The following SLC14A2 variants were observed in gnomAD, a reference collection of about 807,000 sequenced individuals.
The protein encoded by SLC14A2 is solute carrier family 14 member 2, also known as urea transporter 2.
In SLC14A2, 91 loss-of-function variants were observed where a neutral mutation model predicts 104.6. The observed-to-expected ratio is 0.87, with a 90% confidence interval of 0.73 to 1.04. The LOEUF (loss-of-function observed/expected upper bound fraction) is 1.04. Ranked by LOEUF, SLC14A2 falls within the 50% of genes least tolerant of loss-of-function variation. The pLI, the probability that SLC14A2 is intolerant of heterozygous loss-of-function variation, is 0.00. For synonymous variants in SLC14A2, 476 were observed against 466.4 expected, an observed-to-expected ratio of 1.02 and a Z score of -0.27; for missense variants, 1,189 against 1,156.0, an observed-to-expected ratio of 1.03 and a Z score of -0.41.
At chr18:45,390,172 C>T (rs942527840) in intron 1 of SLC14A2, among the ~76,000 whole-genome samples, 2 of 152,106 alleles carry the variant, frequency 1.3e-5, no homozygotes, top group Non-Finnish European at 2.9e-5. Context: ...AAAATCGACA[C>T]GAGCACTGGG....
chr18:45,423,298 G>T (rs572573013), intron 1 of SLC14A2, among the ~76,000 whole-genome samples: 77 of 152,300 alleles, frequency 5.1e-4, no homozygotes, highest in Non-Finnish European at 9.4e-4. Context: ...CTGAAAGGTG[G>T]TTATATGAAT....
chr18:45,354,920 G>A (rs1385848477), intron 1 of SLC14A2, among the ~76,000 whole-genome samples: 1 of 152,156 alleles, frequency 6.6e-6, no homozygotes, highest in Admixed American at 6.5e-5. Context: ...CTAATTCTAT[G>A]TTTTGTTTTG....
chr18:45,554,012 A>G (rs919537178), intron 2 of SLC14A2, among the ~76,000 whole-genome samples: 1 of 152,230 alleles, frequency 6.6e-6, no homozygotes, highest in African/African-American at 2.4e-5. Flanking sequence ...AACTAAATAA[A>G]TAAAAAAGCC....
intron 2 of SLC14A2, chr18:45,550,039 A>G (rs1156968057): frequency 2.0e-5 from 3 of 152,112 alleles, no homozygotes; most frequent in East Asian, 1.9e-4. Flanking sequence ...AGAGGTGTCA[A>G]CTACATCAAG....
intron 1 of SLC14A2, among the ~76,000 whole-genome samples, chr18:45,225,058 T>C (rs2084100688): frequency 2.0e-5 from 3 of 152,242 alleles, no homozygotes; most frequent in Admixed American, 2.0e-4. Flanking sequence ...AGTCATGAAG[T>C]TCTTGACCAT....
intron 10 of SLC14A2, among the ~76,000 whole-genome samples, chr18:45,656,392 GT>G (rs1325502680): frequency 6.6e-6 from 1 of 152,216 alleles, no homozygotes; most frequent in Non-Finnish European, 1.5e-5. Context: ...GCTTGATGAA[GT>G]TGTTGTAAAC....
chr18:45,212,232 G>A (rs2083967701), upstream of SLC14A2, among the ~76,000 whole-genome samples: 2 of 152,132 alleles, frequency 1.3e-5, no homozygotes, highest in Non-Finnish European at 2.9e-5. Context: ...GAGTATATTT[G>A]TGCAAACATA....
chr18:45,323,790 A>T (rs11082443), intron 1 of SLC14A2, among the ~76,000 whole-genome samples: 36,809 of 152,144 alleles, frequency 0.24, 4,500 homozygotes, highest in South Asian at 0.28. Flanking sequence ...AAACACCAGT[A>T]TGTAGTCTCA....
chr18:45,462,447 G>A (rs976856843), intron 1 of SLC14A2, among the ~76,000 whole-genome samples: 18 of 152,158 alleles, frequency 1.2e-4, no homozygotes, highest in Admixed American at 1.1e-3. Context: ...GGGTCCCCTC[G>A]TGATGCTGCC....
At chr18:45,214,572 A>G (rs971715829) in intron 1 of SLC14A2, among the ~76,000 whole-genome samples, 2 of 152,140 alleles carry the variant, frequency 1.3e-5, no homozygotes, top group Non-Finnish European at 2.9e-5. Context: ...TTGTGACTAC[A>G]TTGGTCTTTA....
chr18:45,495,395 TTTAAA>T (rs958614355), intron 2 of SLC14A2, among the ~76,000 whole-genome samples: 3 of 152,186 alleles, frequency 2.0e-5, no homozygotes, highest in African/African-American at 7.2e-5. Context: ...ATATTTCTAT[TTTAAA>T]TTAAACTCTA....
chr18:45,177,153 T>A, the SLC14A2 span, among the ~76,000 whole-genome samples: 2 of 152,162 alleles, frequency 1.3e-5, no homozygotes, highest in African/African-American at 4.8e-5. Flanking sequence ...ATGTTGCTCT[T>A]CATAAAATCT....
intron 16 of SLC14A2, among the ~76,000 whole-genome samples, chr18:45,671,658 G>T (rs1281291095): frequency 6.6e-6 from 1 of 152,166 alleles, no homozygotes; most frequent in Non-Finnish European, 1.5e-5. Flanking sequence ...GGTAACAGGA[G>T]ACTAAGCCCA....
At chr18:45,188,586 C>T in the SLC14A2 span, among the ~76,000 whole-genome samples, 3 of 152,100 alleles carry the variant, frequency 2.0e-5, no homozygotes, top group South Asian at 6.2e-4. Flanking sequence ...CATCACAGGA[C>T]CTCCAGGATC....
intron 1 of SLC14A2, among the ~76,000 whole-genome samples, chr18:45,441,616 C>A (rs12457768): frequency 6.6e-6 from 1 of 152,032 alleles, no homozygotes; most frequent in Non-Finnish European, 1.5e-5. Context: ...TGCATGCACA[C>A]GTGCACGCAT....
rs976521504 is a variant in SLC14A2, at chr18:45,577,080, G to C, written c.-34-47551G>C. On this transcript the variant is annotated intron_variant, in intron 2 of 20. Coordinates refer to the SLC14A2 transcript ENST00000586448. ...TCTGGAGTGAGAGAACTCCACAAAA[G>C]AGGTAGTTGGGGCACAGGCTCTGGT... Among the ~76,000 whole-genome samples the C allele has an allele frequency of 2.6e-5, 4 of 152,138 alleles. 1 individual carries two copies. Among genetic ancestry groups the C allele is most frequent in the African/African-American group, 9.7e-5 (4 of 41,434 alleles).
chr18:45,230,579 G>T (rs1369248126), intron 1 of SLC14A2, among the ~76,000 whole-genome samples: 1 of 152,044 alleles, frequency 6.6e-6, no homozygotes, highest in Non-Finnish European at 1.5e-5. Context: ...CCCAACTCAA[G>T]GCCCTTAATT....
At chr18:45,465,595 T>A (rs1442149656) in intron 1 of SLC14A2, among the ~76,000 whole-genome samples, 1 of 152,080 alleles carries the variant, frequency 6.6e-6, no homozygotes, top group Non-Finnish European at 1.5e-5. Flanking sequence ...CATGCATGCA[T>A]CCATCCATCC....
intron 1 of SLC14A2, among the ~76,000 whole-genome samples, chr18:45,379,888 C>T (rs72908625): frequency 0.015 from 2,240 of 152,278 alleles, 36 homozygotes; most frequent in Middle Eastern, 0.044. Context: ...AGGAATTCTT[C>T]CCTGAGTAGC....
Sources: gnomAD v4.1 joint callset for allele counts (sites outside exome capture counted in the v4.1 genomes callset) on GRCh38, gnomAD v4.1.1 for gene constraint, MANE v1.5 for transcripts, NCBI Gene and HGNC (gene_info 2026-07-23, HGNC 2026-07-21) for gene names.